Variants in BMERB1 observed in about 807,000 individuals in gnomAD.
The protein encoded by BMERB1 is bMERB domain-containing protein 1.
In BMERB1, 12 loss-of-function variants were observed where a neutral mutation model predicts 23.6. The observed-to-expected ratio is 0.51, with a 90% CI of 0.33 to 0.82. The LOEUF (loss-of-function observed/expected upper bound fraction) is 0.82. Ranked by LOEUF, BMERB1 falls within the 40% of genes least tolerant of loss-of-function variation. The pLI, the probability that BMERB1 is intolerant of heterozygous loss-of-function variation, is 0.03. For synonymous variants in BMERB1, 122 were observed against 96.6 expected, an observed-to-expected ratio of 1.26 and a Z score of -1.54; for missense variants, 247 against 255.4, an observed-to-expected ratio of 0.97 and a Z score of 0.22.
intron 1 of BMERB1, among the ~76,000 whole-genome samples, chr16:15,437,528 C>T (rs1434635884): frequency 6.6e-6 from 1 of 152,118 alleles, no homozygotes; most frequent in Non-Finnish European, 1.5e-5. Flanking sequence ...CAATAATGCC[C>T]TTGTAGCTTT....
chr16:15,482,288 A>G (rs2051328650), intron 1 of BMERB1, among the ~76,000 whole-genome samples: 1 of 152,172 alleles, frequency 6.6e-6, no homozygotes, highest in African/African-American at 2.4e-5. Flanking sequence ...GTCTAAGAGA[A>G]AAAGAATCTG....
intron 1 of BMERB1, among the ~76,000 whole-genome samples, chr16:15,495,075 G>C (rs1191237539): frequency 6.6e-6 from 1 of 151,432 alleles, no homozygotes; most frequent in African/African-American, 2.4e-5. Flanking sequence ...GTAAAGGTGG[G>C]GTTTCACCAC....
At chr16:15,453,823 G>A (rs531645869) in intron 1 of BMERB1, among the ~76,000 whole-genome samples, 48 of 150,224 alleles carry the variant, frequency 3.2e-4, no homozygotes, top group Non-Finnish European at 5.8e-4. Flanking sequence ...GCAATGAGTC[G>A]AGATTTCGCC....
Position 15,568,125 on chromosome 16 carries a change from G to A in BMERB1, c.304+69G>A, listed in dbSNP as rs568713063. 3.3e-5 allele frequency: 45 copies of A among 1,352,824 alleles called. No individual in the cohort carries two copies. The South Asian group carries it at 3.9e-4, about 12-fold the overall frequency. 83.8% of individuals were successfully genotyped at this position (1,352,824 alleles called of 1,614,324 possible). A position where few individuals can be genotyped will look rare whatever the true frequency, so the allele number is the denominator to read the frequency against. Reference sequence around the variant, plus strand: ...GGCCCCCAGCCTGGCCCATCTGTACGCCTGGGTCTGGAAGACAGAGCCTCA... The same window carrying A: ...GGCCCCCAGCCTGGCCCATCTGTACACCTGGGTCTGGAAGACAGAGCCTCA... On this transcript the variant is annotated intron_variant, in intron 3 of 5. Transcript: ENST00000300006.
chr16:15,579,264 G>C (rs1035821390), intron 3 of BMERB1, among the ~76,000 whole-genome samples: 2 of 152,158 alleles, frequency 1.3e-5, no homozygotes, highest in Admixed American at 6.5e-5. Context: ...GTGTTGGTGC[G>C]TGCTTGGAGA....
chr16:15,512,915 T>G (rs1397464082), intron 1 of BMERB1, among the ~76,000 whole-genome samples: 1 of 151,776 alleles, frequency 6.6e-6, no homozygotes, highest in Admixed American at 6.6e-5. Context: ...AGAGAACAAC[T>G]TTCCAAATCA....
At chr16:15,549,074 C>G (rs1315022900) in intron 2 of BMERB1, among the ~76,000 whole-genome samples, 1 of 152,136 alleles carries the variant, frequency 6.6e-6, no homozygotes, top group Non-Finnish European at 1.5e-5. Flanking sequence ...TGTGGTGGTT[C>G]ATGCCTGTAA....
At chr16:15,559,094 G>T (rs2030348030) in intron 2 of BMERB1, among the ~76,000 whole-genome samples, 1 of 152,012 alleles carries the variant, frequency 6.6e-6, no homozygotes, top group African/African-American at 2.4e-5. Flanking sequence ...CCTTATATAT[G>T]TCACTATATG....
At chr16:15,485,425 C>T (rs1232920792) in intron 1 of BMERB1, among the ~76,000 whole-genome samples, 1 of 152,236 alleles carries the variant, frequency 6.6e-6, no homozygotes, top group Non-Finnish European at 1.5e-5. Context: ...TATCACCACT[C>T]ATTCAAGTCC....
chr16:15,531,211 A>T (rs558131972), intron 2 of BMERB1, among the ~76,000 whole-genome samples: 1 of 151,358 alleles, frequency 6.6e-6, no homozygotes, highest in South Asian at 2.1e-4. Context: ...CCAGCCTTAA[A>T]CCTCTTTTCT....
intron 1 of BMERB1, among the ~76,000 whole-genome samples, chr16:15,492,793 C>T (rs1827151244): frequency 6.6e-6 from 1 of 152,134 alleles, no homozygotes; most frequent in African/African-American, 2.4e-5. Flanking sequence ...GTGGCACACA[C>T]CTGTAGTCCC....
chr16:15,517,911 ATG>A (rs375060700), intron 2 of BMERB1, among the ~76,000 whole-genome samples: 74 of 114,940 alleles, frequency 6.4e-4, no homozygotes, highest in African/African-American at 1.6e-3. Flanking sequence ...GTGTGTGTGT[ATG>A]TGTGTGTGAG....
rs893905325 is a variant in BMERB1, at chr16:15,588,181, G to A, written c.*1352G>A. On this transcript the variant is annotated 3_prime_UTR_variant, in exon 6 of 6. Transcript: ENST00000300006. The stretch of plus-strand genomic sequence containing the variant: ...CATATTGTGGTATCATTTATAACCA[G>A]TTTTTTCCTACTTATTATACCACCA... 2.6e-4 allele frequency: 39 copies of A among 152,008 alleles called. No homozygotes were observed. The highest frequency in any genetic ancestry group is 8.7e-4 in the African/African-American group (36 of 41,364). The allele number at this position is 152,008 out of a possible 1,614,324, so 9.4% of individuals were successfully genotyped here.
chr16:15,494,872 T>C (rs1227982080), intron 1 of BMERB1, among the ~76,000 whole-genome samples: 1 of 150,918 alleles, frequency 6.6e-6, no homozygotes, highest in Non-Finnish European at 1.5e-5. Flanking sequence ...TTTCCTTTTT[T>C]TTATCTTTTT....
At chr16:15,502,081 G>A (rs913715867) in intron 1 of BMERB1, among the ~76,000 whole-genome samples, 1 of 152,216 alleles carries the variant, frequency 6.6e-6, no homozygotes. Flanking sequence ...GGCATTTGCC[G>A]AGGTCGGCCG....
At chr16:15,516,403 C>G (rs2051756138) in intron 2 of BMERB1, among the ~76,000 whole-genome samples, 1 of 151,970 alleles carries the variant, frequency 6.6e-6, no homozygotes, top group Non-Finnish European at 1.5e-5. Flanking sequence ...CTGGGAGACA[C>G]AGTGAGAGCC....
At chr16:15,472,091 T>C (rs1373970670) in intron 1 of BMERB1, among the ~76,000 whole-genome samples, 1 of 152,248 alleles carries the variant, frequency 6.6e-6, no homozygotes, top group Non-Finnish European at 1.5e-5. Context: ...GTTATTGATT[T>C]CTGGTTTTGT....
At position 15,583,153 on chromosome 16, in the gene BMERB1, C is replaced by T; in HGVS notation, c.420-3C>T. ...CTTTTCTTTTACCCATCTACTTTCA[C>T]AGGGAGCAAGAAGAAGACAAGGAAA... On this transcript the variant is annotated splice_polypyrimidine_tract_variant and splice_region_variant and intron_variant, in intron 4 of 5. Coordinates refer to ENST00000300006, the MANE Select transcript of BMERB1 (RefSeq NM_033201.3). 6.2e-7 allele frequency: 1 copy of T among 1,609,928 alleles called. No individual in the cohort carries two copies. Among genetic ancestry groups the T allele is most frequent in the Non-Finnish European group, 8.5e-7 (1 of 1,176,188 alleles).
intron 1 of BMERB1, among the ~76,000 whole-genome samples, chr16:15,464,464 T>C (rs2051164711): frequency 6.6e-6 from 1 of 152,070 alleles, no homozygotes; most frequent in African/African-American, 2.4e-5. Flanking sequence ...CTCTAATTTT[T>C]TAAAAAAGAA....
Sources: allele counts gnomAD v4.1 joint callset (sites outside exome capture counted in the v4.1 genomes callset), GRCh38; gene constraint gnomAD v4.1.1; transcripts MANE v1.5; gene names NCBI Gene and HGNC (gene_info 2026-07-23, HGNC 2026-07-21).